The following NKAIN2 variants were observed in gnomAD, a reference collection of about 807,000 sequenced individuals.
The protein encoded by NKAIN2 is sodium/potassium-transporting ATPase subunit beta-1-interacting protein 2.
NKAIN2 carries 14 observed loss-of-function variants against 32.6 expected under a neutral mutation model. That is an observed-to-expected ratio of 0.43 (90% CI 0.28 to 0.67). The LOEUF is 0.67. Ranked by LOEUF, NKAIN2 falls within the 30% of genes least tolerant of loss-of-function variation. NKAIN2 has a pLI of 0.17. For missense variants in NKAIN2, 198 were observed against 258.3 expected, an observed-to-expected ratio of 0.77 and a Z score of 1.60; for synonymous variants, 80 against 87.2, an observed-to-expected ratio of 0.92 and a Z score of 0.46.
At chr6:124,041,256 A>G (rs186363702) in intron 1 of NKAIN2, among the ~76,000 whole-genome samples, 1 of 152,102 alleles carries the variant, frequency 6.6e-6, no homozygotes, top group East Asian at 1.9e-4. Flanking sequence ...CATGCTTTTA[A>G]TGATCATTAT....
intron 1 of NKAIN2, among the ~76,000 whole-genome samples, chr6:123,887,850 A>G (rs1018106666): frequency 3.9e-5 from 6 of 152,088 alleles, no homozygotes; most frequent in African/African-American, 1.4e-4. Context: ...TAGAATGGTG[A>G]TTAAGACCAT....
intron 1 of NKAIN2, among the ~76,000 whole-genome samples, chr6:124,015,146 T>A (rs906190133): frequency 6.6e-6 from 1 of 152,314 alleles, no homozygotes; most frequent in South Asian, 2.1e-4. Context: ...ACCATTTCTC[T>A]CATTTTCTTT....
At chr6:124,066,402 A>C (rs1239541654) in intron 1 of NKAIN2, among the ~76,000 whole-genome samples, 1 of 152,090 alleles carries the variant, frequency 6.6e-6, no homozygotes, top group Non-Finnish European at 1.5e-5. Flanking sequence ...TCCTGACTGC[A>C]CTGGCAGGAA....
In NKAIN2 at chr6:124,505,322, A is replaced by G. The variant is rs555524687; in HGVS notation, c.273+149975A>G. Among the ~76,000 whole-genome samples, 423 of 152,326 alleles carry G rather than the reference A, an allele frequency of 2.8e-3. 1 individual carries two copies. The highest frequency in any genetic ancestry group is 4.8e-3 in the Non-Finnish European group (324 of 68,036). On this transcript the variant is annotated intron_variant, in intron 3 of 6. Transcript: ENST00000368417. ...ACATATGCTTGAGGTTCAAGTGGGC[A>G]TTTGGCCCTCTTCAATCTCGAGAGC...
At chr6:124,346,428 G>A (rs1383094819) in intron 2 of NKAIN2, among the ~76,000 whole-genome samples, 4 of 152,228 alleles carry the variant, frequency 2.6e-5, no homozygotes, top group African/African-American at 9.6e-5. Flanking sequence ...AATGTTGACA[G>A]TGGGGTGTTA....
chr6:123,837,392 G>C (rs1038568019), intron 1 of NKAIN2, among the ~76,000 whole-genome samples: 1 of 147,890 alleles, frequency 6.8e-6, no homozygotes, highest in Non-Finnish European at 1.5e-5. Flanking sequence ...CCTTCCAGTT[G>C]TTAGCAAAAA....
At chr6:124,483,278 C>T (rs78627763) in intron 3 of NKAIN2, among the ~76,000 whole-genome samples, 127 of 152,202 alleles carry the variant, frequency 8.3e-4, no homozygotes, top group African/African-American at 3.0e-3. Context: ...TAAGTCATAG[C>T]CATGAAAGAA....
At chr6:124,100,007 T>C (rs1316583522) in intron 1 of NKAIN2, among the ~76,000 whole-genome samples, 2 of 152,242 alleles carry the variant, frequency 1.3e-5, no homozygotes, top group Non-Finnish European at 2.9e-5. Context: ...CAAAGACATC[T>C]TCATTTTTAA....
At chr6:124,159,450 T>C (rs1390350551) in intron 1 of NKAIN2, among the ~76,000 whole-genome samples, 1 of 152,176 alleles carries the variant, frequency 6.6e-6, no homozygotes, top group East Asian at 1.9e-4. Flanking sequence ...GCCCTCAGAA[T>C]GTAACATGTA....
chr6:124,272,742 A>G (rs1276975203), intron 1 of NKAIN2, among the ~76,000 whole-genome samples: 1 of 152,194 alleles, frequency 6.6e-6, no homozygotes, highest in Non-Finnish European at 1.5e-5. Context: ...CCAGCTTGTG[A>G]AAGCAGCTAT....
At chr6:124,556,758 A>C (rs1332472570) in intron 3 of NKAIN2, among the ~76,000 whole-genome samples, 1 of 152,232 alleles carries the variant, frequency 6.6e-6, no homozygotes, top group Non-Finnish European at 1.5e-5. Context: ...ACAGCTGATA[A>C]AACTGAAATT....
chr6:124,520,086 G>A (rs1779065398), intron 3 of NKAIN2, among the ~76,000 whole-genome samples: 1 of 152,088 alleles, frequency 6.6e-6, no homozygotes, highest in Non-Finnish European at 1.5e-5. Flanking sequence ...TGGGGTCCAG[G>A]CCTTTAACTA....
chr6:124,711,971 C>T (rs1261182993), intron 4 of NKAIN2, among the ~76,000 whole-genome samples: 322 of 152,002 alleles, frequency 2.1e-3, no homozygotes, highest in African/African-American at 4.8e-3. Context: ...TGGTCTTTGA[C>T]GATGGTGATG....
intron 3 of NKAIN2, among the ~76,000 whole-genome samples, chr6:124,380,759 G>A (rs1241669311): frequency 6.6e-6 from 1 of 152,150 alleles, no homozygotes; most frequent in African/African-American, 2.4e-5. Flanking sequence ...ACATTTGGGA[G>A]ATCTGTATAA....
chr6:124,006,566 A>G (rs1424987726), intron 1 of NKAIN2, among the ~76,000 whole-genome samples: 2 of 152,190 alleles, frequency 1.3e-5, no homozygotes, highest in Non-Finnish European at 2.9e-5. Context: ...AGAACATTAG[A>G]CATCAAACTG....
intron 2 of NKAIN2, among the ~76,000 whole-genome samples, chr6:124,303,311 A>C (rs573721109): frequency 6.6e-6 from 1 of 152,198 alleles, no homozygotes; most frequent in Non-Finnish European, 1.5e-5. Context: ...ATGGCAAACA[A>C]ATCCAGTTTG....
intron 1 of NKAIN2, among the ~76,000 whole-genome samples, chr6:124,017,397 C>T (rs1780628627): frequency 6.6e-6 from 1 of 152,082 alleles, no homozygotes; most frequent in Non-Finnish European, 1.5e-5. Flanking sequence ...CATTTCAAAA[C>T]CAGTCATGCC....
At chr6:124,497,435 C>T (rs1778104296) in intron 3 of NKAIN2, among the ~76,000 whole-genome samples, 1 of 152,116 alleles carries the variant, frequency 6.6e-6, no homozygotes, top group Non-Finnish European at 1.5e-5. Flanking sequence ...GGGCTTTTCA[C>T]AGCGAAGAAG....
chr6:124,731,338 T>C (rs1776655330), intron 4 of NKAIN2, among the ~76,000 whole-genome samples: 1 of 151,584 alleles, frequency 6.6e-6, no homozygotes, highest in South Asian at 2.1e-4. Context: ...TAGACTGGAT[T>C]AAGAAAATGT....
Sources: gnomAD v4.1 joint callset for allele counts (sites outside exome capture counted in the v4.1 genomes callset) on GRCh38, gnomAD v4.1.1 for gene constraint, MANE v1.5 for transcripts, NCBI Gene and HGNC (gene_info 2026-07-23, HGNC 2026-07-21) for gene names.